TNS3: variants seen among roughly 807,000 people sequenced by gnomAD.
TNS3 encodes the protein tensin 3, also known as tensin-3.
TNS3 carries 45 observed loss-of-function variants against 140.9 expected under a neutral mutation model. The observed-to-expected ratio is 0.32, with a 90% CI of 0.25 to 0.41. The LOEUF is 0.41. Ranked by LOEUF, TNS3 falls within the 10% of genes least tolerant of loss-of-function variation. TNS3 has a pLI of 1.00. For synonymous variants in TNS3, 815 were observed against 788.4 expected (o/e 1.03, Z -0.56); for missense variants, 1,716 against 1,906.7 (o/e 0.90, Z 1.86).
At chr7:47,572,281 C>T (rs1341305726) in intron 1 of TNS3, among the ~76,000 whole-genome samples, 2 of 152,182 alleles carry the variant, frequency 1.3e-5, no homozygotes, top group African/African-American at 4.8e-5. Context: ...ACCCAGAGAC[C>T]GGCAACGGCA....
intron 23 of TNS3, among the ~76,000 whole-genome samples, chr7:47,299,416 T>C (rs893629771): frequency 2.6e-5 from 4 of 152,218 alleles, no homozygotes; most frequent in East Asian, 1.9e-4. Context: ...GCTGGGATTA[T>C]AGGAGTGAGT....
chr7:47,552,258 A>T (rs962951493), intron 1 of TNS3, among the ~76,000 whole-genome samples: 1 of 152,230 alleles, frequency 6.6e-6, no homozygotes, highest in Non-Finnish European at 1.5e-5. Flanking sequence ...AGAGCTTGGC[A>T]CATGAGTGAA....
At chr7:47,577,052 T>A (rs1800691845) in intron 1 of TNS3, among the ~76,000 whole-genome samples, 1 of 152,192 alleles carries the variant, frequency 6.6e-6, no homozygotes, top group South Asian at 2.1e-4. Context: ...AGGTGCCACG[T>A]CACACTGTGG....
chr7:47,312,379 G>A (rs1787153410), intron 20 of TNS3, among the ~76,000 whole-genome samples: 2 of 152,168 alleles, frequency 1.3e-5, no homozygotes, highest in South Asian at 4.1e-4. Flanking sequence ...ATCTCCATTT[G>A]TGTTTGTCCG....
intron 1 of TNS3, among the ~76,000 whole-genome samples, chr7:47,559,071 G>C (rs1344528072): frequency 6.6e-6 from 1 of 152,218 alleles, no homozygotes; most frequent in Admixed American, 6.5e-5. Context: ...ATACAGACAG[G>C]CAGGTCGTGG....
At chr7:47,499,461 CCAAT>C (rs1388406673) in intron 3 of TNS3, among the ~76,000 whole-genome samples, 1 of 152,158 alleles carries the variant, frequency 6.6e-6, no homozygotes, top group Non-Finnish European at 1.5e-5. Context: ...ATGGAAGCCA[CCAAT>C]CAGTACCCAC....
intron 27 of TNS3, among the ~76,000 whole-genome samples, chr7:47,287,755 T>C (rs536456044): frequency 6.6e-6 from 1 of 152,268 alleles, no homozygotes; most frequent in African/African-American, 2.4e-5. Context: ...GCTCTCAATG[T>C]GTTTCAGAAA....
intron 4 of TNS3, among the ~76,000 whole-genome samples, chr7:47,453,657 G>C (rs199805294): frequency 2.6e-5 from 4 of 152,344 alleles, no homozygotes; most frequent in East Asian, 3.9e-4. Context: ...TTAAAGACAA[G>C]AGTGGCCAGG....
At chr7:47,557,834 G>T (rs1290239200) in intron 1 of TNS3, among the ~76,000 whole-genome samples, 1 of 152,184 alleles carries the variant, frequency 6.6e-6, no homozygotes, top group Non-Finnish European at 1.5e-5. Context: ...CACATGCCAT[G>T]AACCACGCCT....
intron 5 of TNS3, among the ~76,000 whole-genome samples, chr7:47,440,777 TGGG>T (rs1402270962): frequency 6.6e-6 from 1 of 152,208 alleles, no homozygotes; most frequent in Non-Finnish European, 1.5e-5. Context: ...GCCAGAGGCA[TGGG>T]TGCACGGGAC....
intron 4 of TNS3, among the ~76,000 whole-genome samples, chr7:47,444,776 G>C (rs891082430): frequency 6.6e-6 from 1 of 152,068 alleles, no homozygotes; most frequent in Non-Finnish European, 1.5e-5. Flanking sequence ...CATACAAATT[G>C]CAACCACTGC....
rs1562676186 is a variant in TNS3, at chr7:47,389,181, AAGC to A, written c.1024+7616_1024+7618del. Among the ~76,000 whole-genome samples the A allele has an allele frequency of 2.4e-4, 32 of 134,414 alleles. 7 individuals carry two copies. Among genetic ancestry groups the A allele is most frequent in the African/African-American group, 8.9e-4 (32 of 35,838 alleles). 88.2% of individuals were successfully genotyped at this position (134,414 alleles called of 152,430 possible). A position where few individuals can be genotyped will look rare whatever the true frequency, so the allele number is the denominator to read the frequency against. On this transcript the variant is annotated intron_variant, in intron 16 of 30. Coordinates refer to ENST00000311160, the MANE Select transcript of TNS3 (RefSeq NM_022748.12). Reference sequence around the variant, plus strand: ...GCAGAAGAAGCAGCAGAAGCAGAAGAAGCAGAAGAAGAAGAAGAAGAAGAAGAG... The same window carrying A: ...GCAGAAGAAGCAGCAGAAGCAGAAGAAGAAGAAGAAGAAGAAGAAGAAGAG...
chr7:47,540,448 G>T (rs1264292595), intron 1 of TNS3, among the ~76,000 whole-genome samples: 1 of 152,208 alleles, frequency 6.6e-6, no homozygotes, highest in Non-Finnish European at 1.5e-5. Flanking sequence ...AGGTTCCCTG[G>T]GGGAGAGCTG....
chr7:47,305,052 G>T, intron 20 of TNS3, 49 bp from the exon 21 acceptor site: 2 of 1,302,116 alleles, frequency 1.5e-6, no homozygotes, highest in Non-Finnish European at 2.0e-6. Context: ...TAGGACTGGA[G>T]AAGTCATAAT....
chr7:47,458,798 G>A (rs1796365220), intron 4 of TNS3, among the ~76,000 whole-genome samples: 1 of 152,200 alleles, frequency 6.6e-6, no homozygotes, highest in Non-Finnish European at 1.5e-5. Flanking sequence ...CCCTTGAGAG[G>A]CTAGCTCTGA....
intron 12 of TNS3, among the ~76,000 whole-genome samples, chr7:47,412,941 G>GT (rs1330084194): frequency 3.9e-5 from 6 of 152,186 alleles, no homozygotes; most frequent in Admixed American, 3.3e-4. Flanking sequence ...TACAATGCCA[G>GT]TTTTTTTGTT....
chr7:47,556,988 C>G lies in TNS3; in HGVS notation c.-265+25063G>C, dbSNP rs376656096. The G allele has an allele frequency of 5.6e-4, 254 of 455,488 alleles. 4 individuals carry two copies. The East Asian group carries it at 0.015, about 27-fold the overall frequency. The allele number at this position is 455,488 out of a possible 1,614,324, so 28.2% of individuals were successfully genotyped here. ...GTCCCTGCCACCAAGCCATGCCCCC[C>G]ACAGACGATAACCAGGAGCAGCGGG... On this transcript the variant is annotated intron_variant, in intron 1 of 30. Coordinates refer to ENST00000311160, the MANE Select transcript of TNS3 (RefSeq NM_022748.12).
intron 1 of TNS3, among the ~76,000 whole-genome samples, chr7:47,535,004 A>C (rs1799550485): frequency 6.6e-6 from 1 of 152,056 alleles, no homozygotes; most frequent in Non-Finnish European, 1.5e-5. Flanking sequence ...TAACAAACAC[A>C]TCTCTCTATT....
At chr7:47,459,469 A>C (rs1796393831) in intron 4 of TNS3, among the ~76,000 whole-genome samples, 2 of 152,210 alleles carry the variant, frequency 1.3e-5, no homozygotes, top group African/African-American at 4.8e-5. Context: ...GTCCCAGAGA[A>C]CACAGCAGAG....
Sources: allele counts gnomAD v4.1 joint callset (sites outside exome capture counted in the v4.1 genomes callset), GRCh38; gene constraint gnomAD v4.1.1; transcripts MANE v1.5; gene names NCBI Gene and HGNC (gene_info 2026-07-23, HGNC 2026-07-21).